The following ADAMTS2 variants were observed in gnomAD, a reference collection of about 807,000 sequenced individuals.
ADAMTS2 encodes A disintegrin and metalloproteinase with thrombospondin motifs 2.
Under a neutral mutation model 123.0 loss-of-function variants are expected in ADAMTS2, and 50 were observed. The ratio of observed to expected loss-of-function variants is 0.41; its 90% CI spans 0.32 to 0.51. The LOEUF (loss-of-function observed/expected upper bound fraction) is 0.51. Among genes scored for constraint, ADAMTS2 ranks in the 20% least tolerant of loss-of-function variants. The pLI is 0.35. For synonymous variants in ADAMTS2, 678 were observed against 695.4 expected, an observed-to-expected ratio of 0.98 and a Z score of 0.39; for missense variants, 1,494 against 1,705.2, an observed-to-expected ratio of 0.88 and a Z score of 2.18.
intron 10 of ADAMTS2, among the ~76,000 whole-genome samples, chr5:179,147,436 C>A (rs1444500445): frequency 6.6e-6 from 1 of 152,216 alleles, no homozygotes; most frequent in Non-Finnish European, 1.5e-5. Flanking sequence ...CTTGGCCTTT[C>A]TAAAGAAATA....
rs183630293 is a variant in ADAMTS2, at chr5:179,307,358, T to C, written c.535-34294A>G. The stretch of plus-strand genomic sequence containing the variant: ...CACCCGGCCAACCCTGGGTGGCCAC[T>C]GCTCAGCACTCCAGGACAGCTCCAT... On this transcript the variant is annotated intron_variant, in intron 2 of 21. Transcript: ENST00000251582. The surrounding 1 kb of genome is among the most constrained non-coding windows in gnomAD (Gnocchi z 5.6). 6.6e-6 allele frequency among the ~76,000 whole-genome samples: 1 copy of C among 152,316 alleles called. No individual in the cohort carries two copies. The highest frequency in any genetic ancestry group is 2.4e-5 in the African/African-American group (1 of 41,582).
At chr5:179,153,179 C>A (rs1763395818) in intron 9 of ADAMTS2, among the ~76,000 whole-genome samples, 1 of 152,166 alleles carries the variant, frequency 6.6e-6, no homozygotes, top group African/African-American at 2.4e-5. Context: ...TTCCGCTTAG[C>A]CTGCAGGCCT....
Position 179,180,057 on chromosome 5 carries a change from C to T in ADAMTS2, c.975+1015G>A, listed in dbSNP as rs748325664. On this transcript the variant is annotated intron_variant, in intron 5 of 21. Coordinates refer to ENST00000251582, the MANE Select transcript of ADAMTS2 (RefSeq NM_014244.5). The surrounding 1 kb of genome is among the most constrained non-coding windows in gnomAD (Gnocchi z 4.6). ...CATGTCACTAAGTCACATTAAGCCT[C>T]GGTGTTCTTATCTGTGAAATGGGCA... Among the ~76,000 whole-genome samples, 1 of 152,300 alleles carries T rather than the reference C, an allele frequency of 6.6e-6. No individual in the cohort carries two copies.
intron 2 of ADAMTS2, among the ~76,000 whole-genome samples, chr5:179,329,158 T>C (rs1352772656): frequency 1.3e-5 from 2 of 151,938 alleles, no homozygotes; most frequent in Non-Finnish European, 2.9e-5. Context: ...AAACCCCGTC[T>C]CTACTAAAAA....
chr5:179,152,547 T>G (rs1581155343), intron 9 of ADAMTS2, among the ~76,000 whole-genome samples: 1 of 152,076 alleles, frequency 6.6e-6, no homozygotes, highest in Non-Finnish European at 1.5e-5. Context: ...TGAGGCTAGG[T>G]GGGCACCTGC....
chr5:179,194,117 C>A (rs528924441), intron 4 of ADAMTS2, among the ~76,000 whole-genome samples: 1 of 152,316 alleles, frequency 6.6e-6, no homozygotes, highest in South Asian at 2.1e-4. Flanking sequence ...CCGCGGGAGG[C>A]CAAGGACAGG....
At chr5:179,206,370 C>T (rs550728459) in intron 4 of ADAMTS2, among the ~76,000 whole-genome samples, 10 of 152,258 alleles carry the variant, frequency 6.6e-5, no homozygotes, top group Non-Finnish European at 1.2e-4. Flanking sequence ...ACCCCTGGTC[C>T]GAAAAGCAGA....
rs1205799688 is a variant in ADAMTS2 at position 179,158,092 on chromosome 5, G to T, written c.1132+631C>A. On this transcript the variant is annotated intron_variant, in intron 6 of 21. Transcript: ENST00000251582. The surrounding 1 kb of genome is among the most constrained non-coding windows in gnomAD (Gnocchi z 5.0). ...CCATTCTCCTGCCTCAGCCTCCCGGGTAGCTGGGACTACAGGCGCCCGCCA... is the reference window on the plus strand; with the variant it reads ...CCATTCTCCTGCCTCAGCCTCCCGGTTAGCTGGGACTACAGGCGCCCGCCA... 6.6e-6 allele frequency among the ~76,000 whole-genome samples: 1 copy of T among 152,002 alleles called. No homozygotes were observed. Among genetic ancestry groups the T allele is most frequent in the African/African-American group, 2.4e-5 (1 of 41,408 alleles).
At chr5:179,177,546 A>G (rs1223770301) in intron 5 of ADAMTS2, among the ~76,000 whole-genome samples, 1 of 152,214 alleles carries the variant, frequency 6.6e-6, no homozygotes, top group Non-Finnish European at 1.5e-5. Flanking sequence ...GAAGAACTTG[A>G]GTTCCCTCCA....
chr5:179,327,977 C>A (rs902987297), intron 2 of ADAMTS2, among the ~76,000 whole-genome samples: 2 of 152,132 alleles, frequency 1.3e-5, no homozygotes, highest in Admixed American at 6.5e-5. Flanking sequence ...TAGAGAAACT[C>A]ATATATCTGG....
chr5:179,285,341 G>C lies in ADAMTS2; in HGVS notation c.535-12277C>G, dbSNP rs1755990202. On this transcript the variant is annotated intron_variant, in intron 2 of 21. Coordinates refer to ENST00000251582, the MANE Select transcript of ADAMTS2 (RefSeq NM_014244.5). The surrounding 1 kb of genome is among the most constrained non-coding windows in gnomAD (Gnocchi z 4.9). ...ATAAGGGGGAAAATGGAATAAACAA[G>C]ATGCCGACAAGAATGCCTCACGGGG... Among the ~76,000 whole-genome samples, 1 of 152,250 alleles carries C rather than the reference G, an allele frequency of 6.6e-6. No individual in the cohort carries two copies. Among genetic ancestry groups the C allele is most frequent in the Admixed American group, 6.5e-5 (1 of 15,276 alleles).
chr5:179,341,863 A>T (rs1757784751), intron 2 of ADAMTS2, among the ~76,000 whole-genome samples: 1 of 152,148 alleles, frequency 6.6e-6, no homozygotes, highest in Admixed American at 6.5e-5. Context: ...GGTACATGGG[A>T]CACTTCAGCA....
At chr5:179,184,595 G>A (rs1001899274) in intron 4 of ADAMTS2, among the ~76,000 whole-genome samples, 16 of 151,174 alleles carry the variant, frequency 1.1e-4, no homozygotes, top group African/African-American at 3.9e-4. Flanking sequence ...TGACCTCACC[G>A]TCCACACAGA....
chr5:179,265,038 G>T (rs1766331018), intron 3 of ADAMTS2, among the ~76,000 whole-genome samples: 1 of 152,186 alleles, frequency 6.6e-6, no homozygotes, highest in South Asian at 2.1e-4. Flanking sequence ...GGGTGGGGCT[G>T]AGCACACTGA....
At chr5:179,343,689 A>G in intron 2 of ADAMTS2, 78 bp downstream of exon 2, 2 of 1,549,362 alleles carry the variant, frequency 1.3e-6, no homozygotes, top group East Asian at 4.8e-5. Context: ...TGCCCTCCCA[A>G]GGGACTCCCA....
chr5:179,214,934 T>C (rs1273523169), intron 3 of ADAMTS2, among the ~76,000 whole-genome samples: 1 of 152,164 alleles, frequency 6.6e-6, no homozygotes, highest in Non-Finnish European at 1.5e-5. Flanking sequence ...TTGTTAAAAT[T>C]ATTCTCCGCC....
intron 3 of ADAMTS2, among the ~76,000 whole-genome samples, chr5:179,233,017 G>A (rs888355802): frequency 1.3e-5 from 2 of 152,284 alleles, no homozygotes; most frequent in South Asian, 2.1e-4. Context: ...GCGGGAAGGC[G>A]TTCACCCTTC....
chr5:179,261,133 A>G (rs1428788201), intron 3 of ADAMTS2, among the ~76,000 whole-genome samples: 1 of 152,230 alleles, frequency 6.6e-6, no homozygotes, highest in Non-Finnish European at 1.5e-5. Flanking sequence ...CAGAAAGTCA[A>G]TATCTAAAAA....
intron 3 of ADAMTS2, among the ~76,000 whole-genome samples, chr5:179,253,492 A>C (rs1209132269): frequency 6.6e-6 from 1 of 152,060 alleles, no homozygotes; most frequent in Non-Finnish European, 1.5e-5. Flanking sequence ...AAAAATACAA[A>C]AAAATTCGGG....
Sources: allele counts gnomAD v4.1 joint callset (sites outside exome capture counted in the v4.1 genomes callset), GRCh38; gene constraint gnomAD v4.1.1; non-coding constraint Gnocchi (gnomAD v3.1); transcripts MANE v1.5; gene names NCBI Gene and HGNC (gene_info 2026-07-23, HGNC 2026-07-21).